The following EFHD1 variants were observed in gnomAD, a reference collection of about 807,000 sequenced individuals.
EFHD1 encodes the protein EF-hand domain-containing protein D1.
In EFHD1, 10 loss-of-function variants were observed where a neutral mutation model predicts 17.2. The observed-to-expected ratio is 0.58, with a 90% CI of 0.36 to 0.99. EFHD1 has a LOEUF of 0.99. Among genes scored for constraint, EFHD1 ranks in the 50% least tolerant of loss-of-function variants. The pLI is 0.01. For synonymous variants in EFHD1, 153 were observed against 142.0 expected (o/e 1.08, Z -0.55); for missense variants, 310 against 327.5 (o/e 0.95, Z 0.41).
chr2:232,673,343 G>C (rs964542796), intron 3 of EFHD1, among the ~76,000 whole-genome samples: 6 of 152,214 alleles, frequency 3.9e-5, no homozygotes, highest in Non-Finnish European at 5.9e-5. Context: ...AGCTTAGCAG[G>C]ACAGTTTTCA....
rs141921163 is a variant in EFHD1, at chr2:232,679,646, C to T, written c.586-1939C>T. ...GGAGGATCGCTTGAGCTCGGGAGTT[C>T]GAGGCTGCAGTGAACTATGATTGTG... On this transcript the variant is annotated intron_variant, in intron 3 of 3. Coordinates refer to ENST00000264059, the MANE Select transcript of EFHD1 (RefSeq NM_025202.4). Among the ~76,000 whole-genome samples, 645 of 148,086 alleles carry T rather than the reference C, an allele frequency of 4.4e-3. 2 individuals carry two copies. The highest frequency in any genetic ancestry group is 0.016 in the African/African-American group (626 of 40,180).
intron 1 of EFHD1, among the ~76,000 whole-genome samples, chr2:232,639,028 A>T (rs1395578817): frequency 6.6e-6 from 1 of 152,130 alleles, no homozygotes; most frequent in Admixed American, 6.5e-5. Context: ...GGCTGCTTTT[A>T]CTTGCCAGCA....
upstream of EFHD1, among the ~76,000 whole-genome samples, chr2:232,631,912 G>A (rs557549155): frequency 4.6e-5 from 7 of 151,578 alleles, no homozygotes; most frequent in African/African-American, 1.5e-4. Flanking sequence ...CTGAGGCAGG[G>A]GAATCACTTG....
chr2:232,659,829 G>T (rs1209713538), intron 1 of EFHD1, among the ~76,000 whole-genome samples: 1 of 152,172 alleles, frequency 6.6e-6, no homozygotes, highest in Non-Finnish European at 1.5e-5. Flanking sequence ...CTTGGCTTCT[G>T]GGGAGGCCTC....
chr2:232,676,222 G>T (rs954129502), intron 3 of EFHD1, among the ~76,000 whole-genome samples: 3 of 152,096 alleles, frequency 2.0e-5, no homozygotes, highest in African/African-American at 7.2e-5. Context: ...GAATGGCTGT[G>T]GTTTGAGGAG....
At chr2:232,634,232 A>G (rs1358630674) in intron 1 of EFHD1, among the ~76,000 whole-genome samples, 1 of 151,982 alleles carries the variant, frequency 6.6e-6, no homozygotes, top group Non-Finnish European at 1.5e-5. Flanking sequence ...GACGGAGCCC[A>G]AAAGTTCTCG....
chr2:232,662,864 TG>T lies in EFHD1; in HGVS notation c.370del (p.Ala124ProfsTer8). On this transcript the variant is annotated frameshift_variant, in exon 2 of 4. Transcript: ENST00000264059. LOFTEE classifies it high-confidence loss of function. ...GAGCTGAAGCTGATGATGGAGAAGCTGGGGGCCCCCCAGACCCACCTGGGCC... is the reference window on the plus strand; with the variant it reads ...GAGCTGAAGCTGATGATGGAGAAGCTGGGGCCCCCCAGACCCACCTGGGCC... ...LMELKLMMEKLGAPQTHLGLK... is the reference protein window; with the variant it reads ...LMELKLMMEKXGAPQTHLGLK... The T allele has an allele frequency of 3.8e-6, 6 of 1,592,394 alleles. No individual in the cohort carries two copies. Among genetic ancestry groups the T allele is most frequent in the South Asian group, 1.1e-5 (1 of 87,808 alleles).
At chr2:232,620,790 C>T (rs1018853488) in intron 1 of EFHD1, among the ~76,000 whole-genome samples, 3 of 152,098 alleles carry the variant, frequency 2.0e-5, no homozygotes, top group African/African-American at 7.2e-5. Flanking sequence ...CAAACCATCC[C>T]CGCTCATCTC....
chr2:232,637,387 A>C (rs1574711423), intron 1 of EFHD1, among the ~76,000 whole-genome samples: 1 of 126,940 alleles, frequency 7.9e-6, no homozygotes, highest in African/African-American at 3.0e-5. Flanking sequence ...TCCATTGCCC[A>C]GGCTGGAGTG....
intron 1 of EFHD1, among the ~76,000 whole-genome samples, chr2:232,636,123 A>G (rs1174671010): frequency 6.6e-6 from 1 of 152,178 alleles, no homozygotes; most frequent in Admixed American, 6.5e-5. Context: ...TGGTGGTGGT[A>G]TGGCCACAAC....
chr2:232,617,585 C>A (rs1411029826), intron 1 of EFHD1, among the ~76,000 whole-genome samples: 1 of 147,460 alleles, frequency 6.8e-6, no homozygotes, highest in South Asian at 2.1e-4. Flanking sequence ...ACCCAGGAGG[C>A]GGAGCTTGCA....
chr2:232,657,767 G>A (rs1432387931), intron 1 of EFHD1, among the ~76,000 whole-genome samples: 54 of 146,698 alleles, frequency 3.7e-4, no homozygotes, highest in Non-Finnish European at 6.6e-4. Context: ...AGCTGAGATC[G>A]CACCACTGCA....
At chr2:232,676,107 A>T (rs538045554) in intron 3 of EFHD1, among the ~76,000 whole-genome samples, 5 of 152,010 alleles carry the variant, frequency 3.3e-5, no homozygotes, top group Non-Finnish European at 5.9e-5. Context: ...ACCCAGAGGC[A>T]GAGGTTGCAG....
intron 1 of EFHD1, among the ~76,000 whole-genome samples, chr2:232,658,192 T>G (rs536297516): frequency 2.0e-5 from 3 of 152,122 alleles, no homozygotes; most frequent in Non-Finnish European, 2.9e-5. Context: ...CATGAGCCAC[T>G]GCACCCAGCC....
intron 1 of EFHD1, among the ~76,000 whole-genome samples, chr2:232,662,577 A>G (rs1289537637): frequency 1.3e-5 from 2 of 152,140 alleles, no homozygotes; most frequent in Non-Finnish European, 2.9e-5. Flanking sequence ...TGAGGAGATA[A>G]AAGACATGAA....
At chr2:232,625,873 T>A (rs200762146) in intron 1 of EFHD1, among the ~76,000 whole-genome samples, 1 of 151,654 alleles carries the variant, frequency 6.6e-6, no homozygotes, top group East Asian at 1.9e-4. Context: ...ACTCCTCATT[T>A]AAAAAAAAAT....
At chr2:232,654,993 C>A (rs781063302) in intron 1 of EFHD1, among the ~76,000 whole-genome samples, 1 of 152,168 alleles carries the variant, frequency 6.6e-6, no homozygotes, top group Non-Finnish European at 1.5e-5. Context: ...CAGTTCCTCC[C>A]TTACTCGCTT....
At chr2:232,664,770 C>G (rs540233115) in intron 2 of EFHD1, among the ~76,000 whole-genome samples, 1 of 148,562 alleles carries the variant, frequency 6.7e-6, no homozygotes, top group African/African-American at 2.5e-5. Context: ...CCTGCCACCA[C>G]GCCTGGCTAA....
chr2:232,618,486 G>T (rs1250681292), intron 1 of EFHD1, among the ~76,000 whole-genome samples: 1 of 152,130 alleles, frequency 6.6e-6, no homozygotes, highest in Non-Finnish European at 1.5e-5. Context: ...ACTTTGGGAG[G>T]CCAAGGCAGC....
Sources: allele counts gnomAD v4.1 joint callset (sites outside exome capture counted in the v4.1 genomes callset), GRCh38; gene constraint gnomAD v4.1.1; transcripts MANE v1.5; gene names NCBI Gene and HGNC (gene_info 2026-07-23, HGNC 2026-07-21).